The following MARK4 variants were observed in gnomAD, a reference collection of about 807,000 sequenced individuals.
MARK4 encodes the protein microtubule affinity regulating kinase 4, also known as MAP/microtubule affinity-regulating kinase 4.
Under a neutral mutation model 81.5 loss-of-function variants are expected in MARK4, and 19 were observed. The observed-to-expected ratio is 0.23, with a 90% CI of 0.16 to 0.34. The LOEUF (loss-of-function observed/expected upper bound fraction) is 0.34. Among genes scored for constraint, MARK4 ranks in the 10% least tolerant of loss-of-function variants. The pLI, the probability that MARK4 is intolerant of heterozygous loss-of-function variation, is 1.00. For synonymous variants in MARK4, 436 were observed against 439.0 expected, an observed-to-expected ratio of 0.99 and a Z score of 0.08; for missense variants, 772 against 1,058.8, an observed-to-expected ratio of 0.73 and a Z score of 3.76.
intron 4 of MARK4, 71 bp downstream of exon 4, chr19:45,263,438 G>A: frequency 6.3e-7 from 1 of 1,597,988 alleles, no homozygotes. Flanking sequence ...GGTGGTGGCA[G>A]TGGTTAGAAT....
chr19:45,259,097 C>T lies in MARK4; in HGVS notation c.160C>T (p.Pro54Ser), dbSNP rs748672133. Residue 54 changes from proline to serine, a missense_variant, in exon 2 of 17, where the codon CCC becomes TCC. This residue lies in a region of MARK4 where 115 missense variants were observed against 139.8 expected (regional missense o/e 0.82). Coordinates refer to ENST00000262891, the MANE Select transcript of MARK4 (RefSeq NM_001199867.2). ...NSIASCPEEQ[P>S]HVGNYRLLRT... ...CATCGCCTCCTGTCCCGAGGAGCAG[C>T]CCCACGTGGGCAACTACCGCCTGCT... 6.2e-7 allele frequency: 1 copy of T among 1,614,140 alleles called. No homozygotes were observed. The highest frequency in any genetic ancestry group is 8.5e-7 in the Non-Finnish European group (1 of 1,180,036).
intron 8 of MARK4, among the ~76,000 whole-genome samples, chr19:45,276,829 T>G (rs1389569643): frequency 1.3e-5 from 2 of 151,686 alleles, no homozygotes; most frequent in East Asian, 3.9e-4. Flanking sequence ...GAGATGGGGT[T>G]TCGCCATGTT....
chr19:45,271,733 G>A lies in MARK4; in HGVS notation c.786+25G>A, dbSNP rs746011722. On this transcript the variant is annotated intron_variant, in intron 8 of 16. Transcript: ENST00000262891. The surrounding 1 kb of genome is among the most constrained non-coding windows in gnomAD (Gnocchi z 4.1). ...GGTACCGAGAGGGGCTGGGTGCAGGGGCATCAGCCCCTCCCCACAGTCAGG... is the reference window on the plus strand; with the variant it reads ...GGTACCGAGAGGGGCTGGGTGCAGGAGCATCAGCCCCTCCCCACAGTCAGG... The A allele has an allele frequency of 1.2e-5, 19 of 1,605,060 alleles. No homozygotes were observed. The highest frequency in any genetic ancestry group is 1.5e-5 in the Non-Finnish European group (18 of 1,173,972).
intron 8 of MARK4, among the ~76,000 whole-genome samples, chr19:45,273,691 G>A (rs1421325338): frequency 6.6e-6 from 1 of 152,216 alleles, no homozygotes; most frequent in Non-Finnish European, 1.5e-5. Context: ...GGGTTGCCTG[G>A]TGTTTCCTCT....
intron 12 of MARK4, among the ~76,000 whole-genome samples, chr19:45,284,976 A>T (rs1315886838): frequency 6.6e-6 from 1 of 152,142 alleles, no homozygotes; most frequent in Non-Finnish European, 1.5e-5. Flanking sequence ...CTGTAATCTC[A>T]GCTACTTGGG....
At chr19:45,260,853 A>G (rs1568490708) in intron 2 of MARK4, among the ~76,000 whole-genome samples, 1 of 152,148 alleles carries the variant, frequency 6.6e-6, no homozygotes, top group Non-Finnish European at 1.5e-5. Context: ...ATTCTCAGTT[A>G]CACACAGCCT....
intron 10 of MARK4, chr19:45,280,028 A>G (rs1970650836): frequency 3.4e-6 from 1 of 291,328 alleles, no homozygotes; most frequent in Non-Finnish European, 6.7e-6. Context: ...CAGGTCAAAG[A>G]GCAGACACCA....
chr19:45,254,215 G>T (rs570503433), intron 1 of MARK4, among the ~76,000 whole-genome samples: 1 of 152,172 alleles, frequency 6.6e-6, no homozygotes, highest in Non-Finnish European at 1.5e-5. Flanking sequence ...CCAGCCGGGC[G>T]GGAGGGAGCC....
At chr19:45,258,898 G>T in intron 1 of MARK4, 91 bp from the exon 2 acceptor site, 4 of 1,393,994 alleles carry the variant, frequency 2.9e-6, no homozygotes, top group Non-Finnish European at 3.9e-6. Context: ...CCACGGAGGG[G>T]CCGGTAGCCA....
Position 45,251,314 on chromosome 19 carries a change from G to GGCCGGCTCCGCGCCCCCTCC in MARK4, c.-272_-253dup, listed in dbSNP as rs1970235023. On this transcript the variant is annotated 5_prime_UTR_variant, in exon 1 of 17. Coordinates refer to ENST00000262891, the MANE Select transcript of MARK4 (RefSeq NM_001199867.2). ...CACCGCCTCCCTCCGCCGCCGCTTG[G>GGCCGGCTCCGCGCCCCCTCC]GCCGGCTCCGCGCCCCCTCCGCGGC... The GGCCGGCTCCGCGCCCCCTCC allele has an allele frequency of 6.9e-6, 1 of 144,614 alleles. No individual in the cohort carries two copies. 9.0% of individuals were successfully genotyped at this position (144,614 alleles called of 1,614,324 possible).
intron 9 of MARK4, 23 bp downstream of exon 9, chr19:45,278,065 C>T (rs762728322): frequency 8.7e-6 from 14 of 1,611,324 alleles, no homozygotes; most frequent in African/African-American, 4.0e-5. Flanking sequence ...TCACAGCCAG[C>T]GGGAGCCCTT....
intron 8 of MARK4, 97 bp from the exon 9 acceptor site, chr19:45,277,821 GGTTGT>G (rs1004502941): frequency 2.6e-5 from 33 of 1,288,494 alleles, no homozygotes; most frequent in Admixed American, 5.5e-5. Flanking sequence ...TTGGGACAAA[GGTTGT>G]GTGTGTGTGT....
At chr19:45,254,214 C>T (rs931176251) in intron 1 of MARK4, among the ~76,000 whole-genome samples, 2 of 152,146 alleles carry the variant, frequency 1.3e-5, no homozygotes, top group African/African-American at 2.4e-5. Context: ...GCCAGCCGGG[C>T]GGGAGGGAGC....
At chr19:45,263,870 G>C (rs529289682) in intron 4 of MARK4, among the ~76,000 whole-genome samples, 30 of 151,770 alleles carry the variant, frequency 2.0e-4, no homozygotes, top group Non-Finnish European at 4.0e-4. Context: ...GGTGATAAGA[G>C]GGCCTATTAC....
chr19:45,254,482 G>T (rs942640665), intron 1 of MARK4, among the ~76,000 whole-genome samples: 14 of 152,216 alleles, frequency 9.2e-5, no homozygotes, highest in Admixed American at 7.2e-4. Flanking sequence ...AGAAGCCTGG[G>T]CCTGTGGGGA....
In MARK4 at chr19:45,302,904, C is replaced by T. The variant is rs1568506378; in HGVS notation, c.*194C>T. 1.0e-5 allele frequency: 9 copies of T among 889,544 alleles called. No individual in the cohort carries two copies. The highest frequency in any genetic ancestry group is 5.4e-5 in the South Asian group (3 of 55,776). The allele number at this position is 889,544 out of a possible 1,614,324, so 55.1% of individuals were successfully genotyped here. ...ACAGAAGAAGGATGAGGGGGCTCAG[C>T]GGGGGGAGCTGGCACCTTCCTGGAG... On this transcript the variant is annotated 3_prime_UTR_variant, in exon 17 of 17. Coordinates refer to ENST00000262891, the MANE Select transcript of MARK4 (RefSeq NM_001199867.2). This position sits in a 1 kb window ranked among gnomAD's most constrained non-coding sequence, Gnocchi z 4.9.
chr19:45,277,610 G>A (rs568481990), intron 8 of MARK4, among the ~76,000 whole-genome samples: 1 of 151,942 alleles, frequency 6.6e-6, no homozygotes, highest in South Asian at 2.1e-4. Context: ...TGTTGCCCAG[G>A]CTGTTCTTGA....
chr19:45,266,078 C>T, intron 6 of MARK4, 147 bp from the exon 7 acceptor site: 1 of 794,314 alleles, frequency 1.3e-6, no homozygotes, highest in Non-Finnish European at 2.2e-6. Flanking sequence ...GCACCTCTTG[C>T]TGTGACTGAA....
chr19:45,256,180 G>A (rs564609094), intron 1 of MARK4, among the ~76,000 whole-genome samples: 1 of 152,352 alleles, frequency 6.6e-6, no homozygotes, highest in East Asian at 1.9e-4. Flanking sequence ...GCTCAGGCCT[G>A]TAATGCCAGC....
Sources: gnomAD v4.1 joint callset for allele counts (sites outside exome capture counted in the v4.1 genomes callset) on GRCh38, gnomAD v4.1.1 for gene constraint, gnomAD v4.1.1 regional missense constraint, Gnocchi (gnomAD v3.1) non-coding constraint, MANE v1.5 for transcripts, NCBI Gene and HGNC (gene_info 2026-07-23, HGNC 2026-07-21) for gene names.